Variants in ACAA1 observed in about 807,000 individuals in gnomAD.
ACAA1 encodes acetyl-CoA acyltransferase 1, also known as 3-ketoacyl-CoA thiolase, peroxisomal.
In ACAA1, 44 loss-of-function variants were observed where a neutral mutation model predicts 48.8. That is an observed-to-expected ratio of 0.90 (90% confidence interval 0.71 to 1.16). The LOEUF is 1.16. ACAA1 is among the 50% of genes most tolerant of loss of function. The pLI is 0.00. For synonymous variants in ACAA1, 233 were observed against 226.5 expected (o/e 1.03, Z -0.26); for missense variants, 512 against 562.3 (o/e 0.91, Z 0.90).
At chr3:38,131,877 C>T (rs780586143) in intron 4 of ACAA1, 49 bp downstream of exon 4, 1 of 1,557,064 alleles carries the variant, frequency 6.4e-7, no homozygotes, top group Admixed American at 1.7e-5. Context: ...ACTTTGCTGA[C>T]CCAAACCCAC....
rs560501790 is a variant in ACAA1, at chr3:38,136,177, T to G, written c.265+415A>C. ...CAGGGTTGGGGCTAAGGCTACAGATTAACAGCATCTCAAGGCAGAAAAATT... is the reference window on the plus strand; with the variant it reads ...CAGGGTTGGGGCTAAGGCTACAGATGAACAGCATCTCAAGGCAGAAAAATT... On this transcript the variant is annotated intron_variant, in intron 2 of 11. Coordinates refer to ENST00000333167, the MANE Select transcript of ACAA1 (RefSeq NM_001607.4). Among the ~76,000 whole-genome samples, 30 of 152,296 alleles carry G rather than the reference T, an allele frequency of 2.0e-4. 2 individuals are homozygous for G. In the South Asian group the frequency reaches 6.0e-3, roughly 30 times the overall value.
rs201492852 is a variant in ACAA1 at position 38,137,084 on chromosome 3, G to A, written c.-49C>T. 33 of 1,443,846 alleles carry A rather than the reference G, an allele frequency of 2.3e-5. No individual in the cohort carries two copies. In the African/African-American group the frequency reaches 3.1e-4, roughly 14 times the overall value. The allele number at this position is 1,443,846 out of a possible 1,614,324, so 89.4% of individuals were successfully genotyped here. On this transcript the variant is annotated 5_prime_UTR_variant, in exon 1 of 12. Coordinates refer to ENST00000333167, the MANE Select transcript of ACAA1 (RefSeq NM_001607.4). ...AGCCACCAGTCCGGGAACTGACCGCGGAGTTAACAGACAGCCGTCCGCACA... is the reference window on the plus strand; with the variant it reads ...AGCCACCAGTCCGGGAACTGACCGCAGAGTTAACAGACAGCCGTCCGCACA...
At chr3:38,131,729 G>T (rs1700793267) in intron 4 of ACAA1, 91 bp from the exon 5 acceptor site, 1 of 1,453,116 alleles carries the variant, frequency 6.9e-7, no homozygotes, top group Admixed American at 1.7e-5. Context: ...CTCTAGATGG[G>T]ACTCAGCCCC....
Position 38,126,649 on chromosome 3 carries a change from C to A in ACAA1, c.678G>T (p.Val226=). The part of the protein sequence containing the change: ...KGCFQAEIVP[V]TTTVHDDKGT... ...CCTTGTCATCATGGACCGTGGTGGT[C>A]ACAGGCACAATCTCAGCTTGGAAAC... Residue 226 remains valine, a synonymous_variant, in exon 8 of 12, where the codon GTG becomes GTT. Transcript: ENST00000333167. The surrounding 1 kb of genome is among the most constrained non-coding windows in gnomAD (Gnocchi z 4.7). 1 of 1,614,164 alleles carries A rather than the reference C, an allele frequency of 6.2e-7. No homozygotes were observed. Among genetic ancestry groups the A allele is most frequent in the South Asian group, 1.1e-5 (1 of 91,084 alleles).
At position 38,126,661 on chromosome 3, in the gene ACAA1, C is replaced by T. The variant is rs776597134; in HGVS notation, c.666G>A (p.Glu222=). ...RAQSKGCFQA[E]IVPVTTTVHD... ...GGACCGTGGTGGTCACAGGCACAAT[C>T]TCAGCTTGGAAACAGCCCTTGCTCT... Residue 222 remains glutamate, a synonymous_variant, in exon 8 of 12, where the codon GAG becomes GAA. Coordinates refer to ENST00000333167, the MANE Select transcript of ACAA1 (RefSeq NM_001607.4). The surrounding 1 kb of genome is among the most constrained non-coding windows in gnomAD (Gnocchi z 4.7). The T allele has an allele frequency of 3.1e-6, 5 of 1,614,108 alleles. No homozygotes were observed. Among genetic ancestry groups the T allele is most frequent in the Non-Finnish European group, 3.4e-6 (4 of 1,180,002 alleles).
At position 38,133,940 on chromosome 3, in the gene ACAA1, A is replaced by C. The variant is rs746345784; in HGVS notation, c.323+12T>G. On this transcript the variant is annotated intron_variant, in intron 3 of 11. Transcript: ENST00000333167. Reference sequence around the variant, plus strand: ...AAATGGCCAACCCATGGCTAGAACTAGAAAAGTTTACCTCAGAAACTGGGC... The same window carrying C: ...AAATGGCCAACCCATGGCTAGAACTCGAAAAGTTTACCTCAGAAACTGGGC... The C allele has an allele frequency of 1.9e-6, 3 of 1,614,046 alleles. No individual in the cohort carries two copies. The highest frequency in any genetic ancestry group is 4.5e-5 in the East Asian group (2 of 44,902).
chr3:38,127,481 C>T (rs1020910999), intron 7 of ACAA1: 2 of 432,644 alleles, frequency 4.6e-6, no homozygotes, highest in Non-Finnish European at 8.6e-6. Context: ...CCTAACATTG[C>T]TGGCCCCACA....
rs1467022683 is a variant in ACAA1 at position 38,122,875 on chromosome 3, A to G, written c.*172T>C. 3 of 795,718 alleles carry G rather than the reference A, an allele frequency of 3.8e-6. No individual in the cohort carries two copies. Among genetic ancestry groups the G allele is most frequent in the South Asian group, 1.7e-5 (1 of 57,520 alleles). 49.3% of individuals were successfully genotyped at this position (795,718 alleles called of 1,614,324 possible). A position where few individuals can be genotyped will look rare whatever the true frequency, so the allele number is the denominator to read the frequency against. On this transcript the variant is annotated 3_prime_UTR_variant, in exon 12 of 12. Coordinates refer to ENST00000333167, the MANE Select transcript of ACAA1 (RefSeq NM_001607.4). ...GTGGCTCAACACCCCACCCACTCCT[A>G]TACCATGTCATCAGTGTTCACATTT...
intron 5 of ACAA1, among the ~76,000 whole-genome samples, chr3:38,130,055 TAAAATA>T (rs1700756585): frequency 6.6e-6 from 1 of 151,784 alleles, no homozygotes; most frequent in Non-Finnish European, 1.5e-5. Flanking sequence ...CATAAATAAA[TAAAATA>T]AAAATAAAAG....
chr3:38,130,669 T>C (rs1225075836), intron 5 of ACAA1, among the ~76,000 whole-genome samples: 1 of 152,234 alleles, frequency 6.6e-6, no homozygotes, highest in African/African-American at 2.4e-5. Context: ...TCTCAAGTTA[T>C]CCATGCCACC....
intron 11 of ACAA1, 127 bp from the exon 12 acceptor site, chr3:38,123,249 G>GACCAGATCTGT: frequency 1.2e-6 from 1 of 854,652 alleles, no homozygotes; most frequent in Non-Finnish European, 1.9e-6. Context: ...GTGGGCAAGC[G>GACCAGATCTGT]GTACCCTGGC....
chr3:38,133,684 C>T, intron 3 of ACAA1: 1 of 529,262 alleles, frequency 1.9e-6, no homozygotes, highest in Non-Finnish European at 3.4e-6. Context: ...AGAGTCCACA[C>T]TCACAAAAGG....
Position 38,127,859 on chromosome 3 carries a change from A to G in ACAA1, c.553T>C (p.Ser185Pro). Reference protein sequence around the residue: ...RDCLIPMGITSENVAERFGIS... With the variant: ...RDCLIPMGITPENVAERFGIS... ...CCAAACCGCTCAGCCACATTCTCAG[A>G]GGTTATCCTAGAACACAAACAGCAG... The change falls in exon 7 of 12, where the codon TCT (serine) becomes CCT (proline). Residue 185 changes from serine (S) to proline (P), a missense_variant. Ser to Pro is a moderately conservative substitution (Grantham distance 74, BLOSUM62 -1). Coordinates refer to ENST00000333167, the MANE Select transcript of ACAA1 (RefSeq NM_001607.4). 1 of 1,614,148 alleles carries G rather than the reference A, an allele frequency of 6.2e-7. No individual in the cohort carries two copies. The highest frequency in any genetic ancestry group is 1.1e-5 in the South Asian group (1 of 91,088).
chr3:38,127,194 G>A (rs1700698661), intron 7 of ACAA1, among the ~76,000 whole-genome samples: 1 of 152,208 alleles, frequency 6.6e-6, no homozygotes, highest in Non-Finnish European at 1.5e-5. Flanking sequence ...AATATGTGCA[G>A]CATGTAAGTG....
chr3:38,128,955 C>T (rs562130991), intron 6 of ACAA1, among the ~76,000 whole-genome samples: 2 of 152,216 alleles, frequency 1.3e-5, no homozygotes, highest in Non-Finnish European at 2.9e-5. Context: ...CATGTTCTGT[C>T]GTCACAAGCT....
chr3:38,125,420 G>A, intron 11 of ACAA1, 145 bp downstream of exon 11: 1 of 1,027,440 alleles, frequency 9.7e-7, no homozygotes. Flanking sequence ...TTGATCTTTT[G>A]GGATTTCAAC....
chr3:38,123,229 G>A, intron 11 of ACAA1, 107 bp from the exon 12 acceptor site: 1 of 1,104,242 alleles, frequency 9.1e-7, no homozygotes, highest in Non-Finnish European at 1.4e-6. Flanking sequence ...AAAACCATCA[G>A]ACCAGATCTG....
chr3:38,122,986 T>TA lies in ACAA1; in HGVS notation c.*60dup. ...CCATGTGGTTTTGCTTTTGTGGTGTTACTGCCTTGCTGCTAGAGCAGCAGG... is the reference window on the plus strand; with the variant it reads ...CCATGTGGTTTTGCTTTTGTGGTGTTAACTGCCTTGCTGCTAGAGCAGCAGG... On this transcript the variant is annotated 3_prime_UTR_variant, in exon 12 of 12. Coordinates refer to ENST00000333167, the MANE Select transcript of ACAA1 (RefSeq NM_001607.4). 6.4e-7 allele frequency: 1 copy of TA among 1,565,898 alleles called. No individual in the cohort carries two copies. Among genetic ancestry groups the TA allele is most frequent in the East Asian group, 2.2e-5 (1 of 44,572 alleles).
chr3:38,134,672 G>A, intron 2 of ACAA1: 1 of 349,032 alleles, frequency 2.9e-6, no homozygotes, highest in Non-Finnish European at 5.7e-6. Context: ...TTAGGGCTGT[G>A]CAGGATGTGC....
Sources: gnomAD v4.1 joint callset for allele counts (sites outside exome capture counted in the v4.1 genomes callset) on GRCh38, gnomAD v4.1.1 for gene constraint, Gnocchi (gnomAD v3.1) non-coding constraint, MANE v1.5 for transcripts, NCBI Gene and HGNC (gene_info 2026-07-23, HGNC 2026-07-21) for gene names.